RALGPS2: variants seen among roughly 807,000 people sequenced by gnomAD.
RALGPS2 encodes the protein ras-specific guanine nucleotide-releasing factor RalGPS2.
Under a neutral mutation model 86.8 loss-of-function variants are expected in RALGPS2, and 43 were observed. The ratio of observed to expected loss-of-function variants is 0.50; its 90% confidence interval spans 0.39 to 0.64. The LOEUF (loss-of-function observed/expected upper bound fraction) is 0.64. Among genes scored for constraint, RALGPS2 ranks in the 30% least tolerant of loss-of-function variants. The pLI, the probability that RALGPS2 is intolerant of heterozygous loss-of-function variation, is 0.00. For missense variants in RALGPS2, 536 were observed against 694.6 expected (o/e 0.77, Z 2.57); for synonymous variants, 243 against 231.3 (o/e 1.05, Z -0.46).
chr1:178,828,150 A>G lies in RALGPS2; in HGVS notation c.481-5274A>G, dbSNP rs1029489245. Among the ~76,000 whole-genome samples, 44 of 152,340 alleles carry G rather than the reference A, an allele frequency of 2.9e-4. 1 individual carries two copies. The highest frequency in any genetic ancestry group is 4.4e-5 in the Non-Finnish European group (3 of 68,028). ...TCAAACTAAAAAGCTTTTGTACAGC[A>G]AAGGAGACAGTCTATGGAATGGGAG... On this transcript the variant is annotated intron_variant, in intron 7 of 19. Coordinates refer to ENST00000367635, the MANE Select transcript of RALGPS2 (RefSeq NM_152663.5).
chr1:178,846,381 G>C (rs925538255), intron 8 of RALGPS2, among the ~76,000 whole-genome samples: 8 of 151,870 alleles, frequency 5.3e-5, no homozygotes, highest in Non-Finnish European at 1.2e-4. Context: ...GTTATATATT[G>C]TATACTAAAA....
intron 7 of RALGPS2, among the ~76,000 whole-genome samples, chr1:178,822,871 G>A (rs1655571270): frequency 6.6e-6 from 1 of 152,146 alleles, no homozygotes; most frequent in Non-Finnish European, 1.5e-5. Flanking sequence ...CATCCAGGCT[G>A]GAGTGTAGCA....
At chr1:178,751,811 A>C (rs551887487) in intron 1 of RALGPS2, among the ~76,000 whole-genome samples, 1 of 152,314 alleles carries the variant, frequency 6.6e-6, no homozygotes, top group East Asian at 1.9e-4. Flanking sequence ...CTTCTGGTGA[A>C]ATTAAAGTAT....
chr1:178,796,024 T>G (rs2102156547), intron 4 of RALGPS2, among the ~76,000 whole-genome samples: 1 of 152,200 alleles, frequency 6.6e-6, no homozygotes, highest in East Asian at 1.9e-4. Context: ...TAGAAGCGAG[T>G]TGCCGCTGTT....
At chr1:178,737,534 C>T (rs1204628250) in intron 1 of RALGPS2, among the ~76,000 whole-genome samples, 2 of 152,198 alleles carry the variant, frequency 1.3e-5, no homozygotes, top group East Asian at 3.9e-4. Context: ...GCATGAGCCA[C>T]CGCACCTGGC....
chr1:178,791,218 T>G (rs1215507982), intron 4 of RALGPS2, among the ~76,000 whole-genome samples: 1 of 152,036 alleles, frequency 6.6e-6, no homozygotes, highest in Non-Finnish European at 1.5e-5. Flanking sequence ...TCTCCTGGGC[T>G]TAAGTGGTTT....
At chr1:178,834,067 TCTTGTAGTG>T (rs1431261551) in intron 8 of RALGPS2, among the ~76,000 whole-genome samples, 4 of 152,178 alleles carry the variant, frequency 2.6e-5, no homozygotes, top group Non-Finnish European at 4.4e-5. Flanking sequence ...TTATTATATA[TCTTGTAGTG>T]CTTATAAATT....
At chr1:178,832,696 A>G (rs1656084871) in intron 7 of RALGPS2, among the ~76,000 whole-genome samples, 1 of 152,104 alleles carries the variant, frequency 6.6e-6, no homozygotes, top group Non-Finnish European at 1.5e-5. Context: ...CTAAATAAAA[A>G]AAAAAATTTT....
At chr1:178,915,950 A>G (rs916254063) in intron 19 of RALGPS2, among the ~76,000 whole-genome samples, 1 of 152,234 alleles carries the variant, frequency 6.6e-6, no homozygotes, top group Admixed American at 6.5e-5. Flanking sequence ...TTTGTAATAT[A>G]TAATGAGAAA....
chr1:178,811,284 A>G (rs747667514), intron 5 of RALGPS2, 31 bp from the exon 6 acceptor site: 12 of 1,439,968 alleles, frequency 8.3e-6, no homozygotes, highest in South Asian at 7.8e-5. Context: ...TAAAAATCAT[A>G]GTGATATTTA....
intron 11 of RALGPS2, among the ~76,000 whole-genome samples, chr1:178,884,011 G>A (rs887171528): frequency 6.6e-6 from 1 of 152,006 alleles, no homozygotes; most frequent in African/African-American, 2.4e-5. Context: ...TGTTGCTATA[G>A]TTTGTCAGTA....
At chr1:178,904,161 T>C (rs1420544537) in intron 18 of RALGPS2, among the ~76,000 whole-genome samples, 1 of 152,142 alleles carries the variant, frequency 6.6e-6, no homozygotes, top group Non-Finnish European at 1.5e-5. Flanking sequence ...CTTTTGAGAA[T>C]TGTCTATTCA....
At position 178,919,259 on chromosome 1, in the gene RALGPS2, C is replaced by T. The variant is rs566934029; in HGVS notation, c.*2900C>T. The T allele has an allele frequency of 1.3e-5, 2 of 152,110 alleles. No individual in the cohort carries two copies. The highest frequency in any genetic ancestry group is 6.5e-5 in the Admixed American group (1 of 15,270). The allele number at this position is 152,110 out of a possible 1,614,324, so 9.4% of individuals were successfully genotyped here. A position where few individuals can be genotyped will look rare whatever the true frequency, so the allele number is the denominator to read the frequency against. On this transcript the variant is annotated 3_prime_UTR_variant, in exon 20 of 20. Transcript: ENST00000367635. ...TTGGGCAAACATTACAAAAAGGGAT[C>T]CAAACAATTTGAGTTTCAGTATTTT...
intron 1 of RALGPS2, among the ~76,000 whole-genome samples, chr1:178,748,723 G>A (rs1032051334): frequency 3.3e-5 from 5 of 151,744 alleles, no homozygotes; most frequent in African/African-American, 1.2e-4. Flanking sequence ...TGTGGTGGCG[G>A]GCACCTGTAA....
intron 8 of RALGPS2, chr1:178,870,969 G>T (rs1658721181): frequency 6.6e-6 from 1 of 152,126 alleles, no homozygotes; most frequent in Non-Finnish European, 1.5e-5. Flanking sequence ...GGAAGTTCTG[G>T]TCTGTGGGCC....
At chr1:178,830,756 T>C (rs1369144952) in intron 7 of RALGPS2, among the ~76,000 whole-genome samples, 1 of 152,172 alleles carries the variant, frequency 6.6e-6, no homozygotes, top group East Asian at 1.9e-4. Flanking sequence ...AATTTTGTCA[T>C]GTTAGAGTAA....
At chr1:178,881,632 G>A (rs1302906750) in intron 10 of RALGPS2, among the ~76,000 whole-genome samples, 1 of 152,038 alleles carries the variant, frequency 6.6e-6, no homozygotes, top group Non-Finnish European at 1.5e-5. Context: ...TGTATTTTTA[G>A]TAGAGATGGG....
At chr1:178,753,856 G>T (rs1271905981) in intron 1 of RALGPS2, 4 of 150,796 alleles carry the variant, frequency 2.7e-5, no homozygotes, top group African/African-American at 9.7e-5. Flanking sequence ...TTTTGAGATG[G>T]AGTCTCACTC....
chr1:178,765,115 G>A (rs768671805), intron 1 of RALGPS2, among the ~76,000 whole-genome samples: 9 of 151,738 alleles, frequency 5.9e-5, no homozygotes, highest in East Asian at 1.9e-4. Context: ...AACCAGAGCC[G>A]ATTAAACCAC....
Sources: gnomAD v4.1 joint callset for allele counts (sites outside exome capture counted in the v4.1 genomes callset) on GRCh38, gnomAD v4.1.1 for gene constraint, MANE v1.5 for transcripts, NCBI Gene and HGNC (gene_info 2026-07-23, HGNC 2026-07-21) for gene names.